Variants in DLG2 observed in about 807,000 individuals in gnomAD.
DLG2 encodes disks large homolog 2.
In DLG2, 45 loss-of-function variants were observed where a neutral mutation model predicts 132.5. That is an observed-to-expected ratio of 0.34 (90% CI 0.27 to 0.44). DLG2 has a LOEUF of 0.44. DLG2 is among the 20% of genes least tolerant of loss of function. DLG2 has a pLI of 1.00. For synonymous variants in DLG2, 424 were observed against 419.6 expected (o/e 1.01, Z -0.13); for missense variants, 1,045 against 1,196.9 (o/e 0.87, Z 1.87).
chr11:83,696,514 T>C (rs1042903208), intron 18 of DLG2, among the ~76,000 whole-genome samples: 1 of 152,090 alleles, frequency 6.6e-6, no homozygotes, highest in Non-Finnish European at 1.5e-5. Flanking sequence ...GGCATCTTGA[T>C]ATGAAAAAGC....
At chr11:84,091,148 G>C (rs1026900909) in intron 10 of DLG2, among the ~76,000 whole-genome samples, 1 of 152,078 alleles carries the variant, frequency 6.6e-6, no homozygotes, top group African/African-American at 2.4e-5. Context: ...TTACACAAAG[G>C]ACAAATATCA....
rs529732749 is a variant in DLG2 at position 84,716,040 on chromosome 11, G to T, written c.358-181309C>A. Among the ~76,000 whole-genome samples the T allele has an allele frequency of 5.3e-5, 8 of 152,040 alleles. No individual in the cohort carries two copies. The East Asian group carries it at 1.5e-3, about 29-fold the overall frequency. On this transcript the variant is annotated intron_variant, in intron 6 of 27. Transcript: ENST00000376104. ...TACATTCTCACCAACAGTGTACATA[G>T]GTTCCCTTTTCTCCATACCCTTGAC...
intron 3 of DLG2, among the ~76,000 whole-genome samples, chr11:85,503,265 T>A (rs1454612731): frequency 5.3e-5 from 8 of 152,136 alleles, no homozygotes; most frequent in African/African-American, 1.7e-4. Context: ...AAAATACTTT[T>A]CTTGACACTT....
intron 8 of DLG2, among the ~76,000 whole-genome samples, chr11:84,239,284 G>A (rs1427085315): frequency 6.6e-6 from 1 of 151,992 alleles, no homozygotes; most frequent in Non-Finnish European, 1.5e-5. Flanking sequence ...GGGTTCAAGT[G>A]ATTCTCATGC....
At chr11:84,745,910 A>G (rs956763464) in intron 6 of DLG2, among the ~76,000 whole-genome samples, 16 of 152,252 alleles carry the variant, frequency 1.1e-4, no homozygotes, top group African/African-American at 3.9e-4. Flanking sequence ...TGTACTGGCA[A>G]TATTTAGCCC....
At chr11:83,582,574 A>G (rs2097000264) in intron 19 of DLG2, among the ~76,000 whole-genome samples, 1 of 152,228 alleles carries the variant, frequency 6.6e-6, no homozygotes, top group Non-Finnish European at 1.5e-5. Flanking sequence ...GTTCATACTT[A>G]GCACTAGTCA....
At chr11:84,976,092 T>C (rs1011239044) in intron 6 of DLG2, among the ~76,000 whole-genome samples, 2 of 152,196 alleles carry the variant, frequency 1.3e-5, no homozygotes, top group African/African-American at 2.4e-5. Context: ...TCCTCCCTCC[T>C]TGAATGTGGC....
chr11:83,635,196 T>C (rs893050756), intron 18 of DLG2, among the ~76,000 whole-genome samples: 8 of 152,142 alleles, frequency 5.3e-5, no homozygotes, highest in Non-Finnish European at 1.0e-4. Flanking sequence ...ACTTATGATC[T>C]CACCACTGCA....
At chr11:83,767,423 G>C (rs534330527) in intron 18 of DLG2, among the ~76,000 whole-genome samples, 165 of 152,320 alleles carry the variant, frequency 1.1e-3, no homozygotes, top group African/African-American at 3.9e-3. Flanking sequence ...GGAGAAGGAA[G>C]ACCATGGCAA....
At chr11:85,098,683 T>C (rs2070332187) in intron 6 of DLG2, among the ~76,000 whole-genome samples, 1 of 152,232 alleles carries the variant, frequency 6.6e-6, no homozygotes, top group Non-Finnish European at 1.5e-5. Context: ...GTGATTACAT[T>C]ATGCAAAAAT....
chr11:83,828,776 G>T (rs190273626), intron 17 of DLG2, among the ~76,000 whole-genome samples: 2 of 152,270 alleles, frequency 1.3e-5, no homozygotes, highest in East Asian at 3.9e-4. Context: ...AGAGTTGATA[G>T]TAATAGCAAC....
intron 3 of DLG2, among the ~76,000 whole-genome samples, chr11:85,389,228 AATAGAATTG>A (rs2086599804): frequency 2.6e-5 from 4 of 152,200 alleles, no homozygotes; most frequent in Admixed American, 2.0e-4. Flanking sequence ...AAGTCTCAGC[AATAGAATTG>A]AACAAGTAGA....
At chr11:84,506,884 C>A (rs951647454) in intron 7 of DLG2, among the ~76,000 whole-genome samples, 1 of 152,194 alleles carries the variant, frequency 6.6e-6, no homozygotes, top group Non-Finnish European at 1.5e-5. Flanking sequence ...CTTCCTCAGC[C>A]AGTCTATCTT....
At chr11:83,787,475 C>T (rs2040333324) in intron 17 of DLG2, among the ~76,000 whole-genome samples, 1 of 151,926 alleles carries the variant, frequency 6.6e-6, no homozygotes, top group South Asian at 2.1e-4. Flanking sequence ...GTGCCCGCCA[C>T]CACGCCCGGC....
At chr11:84,005,781 A>C (rs1344042734) in intron 11 of DLG2, among the ~76,000 whole-genome samples, 1 of 151,936 alleles carries the variant, frequency 6.6e-6, no homozygotes, top group African/African-American at 2.4e-5. Context: ...ATATCATCTT[A>C]TCCCAGGTAG....
At chr11:84,214,981 G>A (rs557316551) in intron 8 of DLG2, among the ~76,000 whole-genome samples, 5 of 152,306 alleles carry the variant, frequency 3.3e-5, no homozygotes, top group Admixed American at 3.3e-4. Context: ...TGTCACCTAT[G>A]GCAGAAGCTA....
chr11:84,645,262 G>A lies in DLG2; in HGVS notation c.358-110531C>T, dbSNP rs12289215. 3.9e-3 allele frequency among the ~76,000 whole-genome samples: 589 copies of A among 152,148 alleles called. 4 individuals are homozygous for A. The highest frequency in any genetic ancestry group is 0.012 in the African/African-American group (491 of 41,504). ...TCAAATTATTATCAGTAAAATGGGC[G>A]TTATAATAGGTACCTTTTCTAAGGG... On this transcript the variant is annotated intron_variant, in intron 6 of 27. Transcript: ENST00000376104.
In DLG2 at chr11:83,805,578, C is replaced by T. The variant is rs576785085; in HGVS notation, c.1723-18786G>A. 2.6e-5 allele frequency among the ~76,000 whole-genome samples: 4 copies of T among 152,192 alleles called. No individual in the cohort carries two copies. In the South Asian group the frequency reaches 8.3e-4, roughly 32 times the overall value. The stretch of plus-strand genomic sequence containing the variant: ...CCTCTAATCTCTGTCTCTCTCCCAT[C>T]CTCCCTCTCCCTTTTGTCTACTCTC... On this transcript the variant is annotated intron_variant, in intron 17 of 27. Coordinates refer to ENST00000376104, the MANE Select transcript of DLG2 (RefSeq NM_001142699.3).
chr11:84,141,273 A>G (rs1454052950), intron 9 of DLG2, among the ~76,000 whole-genome samples: 2 of 151,852 alleles, frequency 1.3e-5, no homozygotes, highest in African/African-American at 4.8e-5. Context: ...ACTGCATACA[A>G]TTACATGAAA....
Sources: gnomAD v4.1 joint callset for allele counts (sites outside exome capture counted in the v4.1 genomes callset) on GRCh38, gnomAD v4.1.1 for gene constraint, MANE v1.5 for transcripts, NCBI Gene and HGNC (gene_info 2026-07-23, HGNC 2026-07-21) for gene names.